The following DCDC2 variants were observed in gnomAD, a reference collection of about 807,000 sequenced individuals.
DCDC2 encodes the protein doublecortin domain-containing protein 2.
Under a neutral mutation model 50.2 loss-of-function variants are expected in DCDC2, and 40 were observed. The observed-to-expected ratio is 0.80, with a 90% CI of 0.62 to 1.04. DCDC2 has a LOEUF of 1.04. Among genes scored for constraint, DCDC2 ranks in the 50% least tolerant of loss-of-function variants. DCDC2 has a pLI of 0.00. For synonymous variants in DCDC2, 234 were observed against 210.6 expected (o/e 1.11, Z -0.96); for missense variants, 570 against 581.9 (o/e 0.98, Z 0.21).
intron 7 of DCDC2, among the ~76,000 whole-genome samples, chr6:24,271,491 C>T (rs569361670): frequency 8.4e-4 from 128 of 152,196 alleles, no homozygotes; most frequent in Non-Finnish European, 1.4e-3. Context: ...GAAGAACCTC[C>T]GCCCACACCT....
chr6:24,305,757 T>G (rs1463842859), intron 2 of DCDC2, among the ~76,000 whole-genome samples: 2 of 151,944 alleles, frequency 1.3e-5, no homozygotes, highest in African/African-American at 4.9e-5. Flanking sequence ...CCAGGTGCAG[T>G]GGCTTACACC....
intron 7 of DCDC2, among the ~76,000 whole-genome samples, chr6:24,230,855 TC>T (rs1198106521): frequency 2.0e-5 from 3 of 152,202 alleles, no homozygotes. Context: ...TAGCTCCTTA[TC>T]CTTTTAAAAA....
intron 8 of DCDC2, among the ~76,000 whole-genome samples, chr6:24,201,935 A>G (rs2113759167): frequency 6.6e-6 from 1 of 152,256 alleles, no homozygotes; most frequent in South Asian, 2.1e-4. Flanking sequence ...CCAAGACTAA[A>G]CCAGGAAGCC....
chr6:24,239,797 A>T (rs960425674), intron 7 of DCDC2, among the ~76,000 whole-genome samples: 22 of 152,178 alleles, frequency 1.4e-4, no homozygotes, highest in Non-Finnish European at 1.9e-4. Context: ...ATGCAAAAAG[A>T]ATTTTGTGGG....
rs541702528 is a variant in DCDC2 at position 24,307,848 on chromosome 6, A to G, written c.349-5804T>C. Among the ~76,000 whole-genome samples the G allele has an allele frequency of 7.2e-5, 11 of 152,056 alleles. No individual in the cohort carries two copies. The South Asian group carries it at 2.3e-3, about 32-fold the overall frequency. ...AGATCTACTAGACTGAACGGGCCCT[A>G]TTTTTGAGGGGATGTGCCATAACTG... On this transcript the variant is annotated intron_variant, in intron 2 of 9. Coordinates refer to ENST00000378454, the MANE Select transcript of DCDC2 (RefSeq NM_016356.5).
chr6:24,357,584 T>A lies in DCDC2; in HGVS notation c.167A>T (p.Gln56Leu). ...VFLKEVTGGVQAPFGAVRNIY... is the reference protein window; with the variant it reads ...VFLKEVTGGVLAPFGAVRNIY... ...GTTCCTGACGGCCCCAAAGGGTGCC[T>A]GAACGCCGCCGGTCACCTCCTTCAG... Residue 56 changes from glutamine (Q) to leucine (L), a missense_variant, in exon 1 of 10, where the codon CAG (glutamine) becomes CTG (leucine). By Grantham distance (113) the Gln-to-Leu change is moderately radical. Transcript: ENST00000378454. The A allele has an allele frequency of 6.2e-7, 1 of 1,613,342 alleles. No homozygotes were observed. Among genetic ancestry groups the A allele is most frequent in the African/African-American group, 1.3e-5 (1 of 74,980 alleles).
intron 8 of DCDC2, among the ~76,000 whole-genome samples, chr6:24,186,078 T>C (rs1341807887): frequency 6.6e-6 from 1 of 152,222 alleles, no homozygotes; most frequent in East Asian, 1.9e-4. Flanking sequence ...ACATTTACCA[T>C]CCAATAGCTT....
intron 7 of DCDC2, among the ~76,000 whole-genome samples, chr6:24,229,068 G>A (rs1210596838): frequency 6.6e-6 from 1 of 152,226 alleles, no homozygotes; most frequent in African/African-American, 2.4e-5. Context: ...TGCTCTTTCT[G>A]TATTGGTTTC....
intron 4 of DCDC2, among the ~76,000 whole-genome samples, chr6:24,295,896 C>G (rs1759223361): frequency 6.6e-6 from 1 of 152,150 alleles, no homozygotes; most frequent in Non-Finnish European, 1.5e-5. Flanking sequence ...TGGCCATATA[C>G]TGCCCAAAGC....
chr6:24,351,354 G>A (rs1760369187), intron 2 of DCDC2, among the ~76,000 whole-genome samples: 1 of 152,178 alleles, frequency 6.6e-6, no homozygotes, highest in Non-Finnish European at 1.5e-5. Flanking sequence ...AGGACAGGAG[G>A]GCAGAGTGGG....
intron 2 of DCDC2, among the ~76,000 whole-genome samples, chr6:24,332,840 T>C (rs1235596598): frequency 6.6e-6 from 1 of 152,122 alleles, no homozygotes; most frequent in Non-Finnish European, 1.5e-5. Context: ...ACACTGTGTT[T>C]GATGCTGGGC....
chr6:24,177,690 T>G (rs1260589687), intron 9 of DCDC2, among the ~76,000 whole-genome samples: 1 of 152,212 alleles, frequency 6.6e-6, no homozygotes, highest in Non-Finnish European at 1.5e-5. Flanking sequence ...GGATCAGACA[T>G]AGAAGAACAG....
chr6:24,327,679 A>G (rs937173057), intron 2 of DCDC2, among the ~76,000 whole-genome samples: 6 of 151,976 alleles, frequency 3.9e-5, no homozygotes, highest in Admixed American at 2.0e-4. Flanking sequence ...TCACCATGGC[A>G]GCCAGGCTGG....
intron 2 of DCDC2, among the ~76,000 whole-genome samples, chr6:24,342,442 C>G (rs1760175597): frequency 6.6e-6 from 1 of 152,224 alleles, no homozygotes; most frequent in Non-Finnish European, 1.5e-5. Flanking sequence ...CTCCGGCAGT[C>G]TTCTTGCACC....
the DCDC2 span, among the ~76,000 whole-genome samples, chr6:24,376,617 A>G: frequency 6.6e-6 from 1 of 151,862 alleles, no homozygotes; most frequent in Non-Finnish European, 1.5e-5. Context: ...TGGGATGCAC[A>G]TGTACTTTTC....
At chr6:24,363,288 G>A in the DCDC2 span, among the ~76,000 whole-genome samples, 1 of 152,140 alleles carries the variant, frequency 6.6e-6, no homozygotes, top group East Asian at 1.9e-4. Context: ...GAGCCCAGCA[G>A]TTTGAGACCA....
At chr6:24,363,574 G>A in the DCDC2 span, among the ~76,000 whole-genome samples, 1 of 152,166 alleles carries the variant, frequency 6.6e-6, no homozygotes, top group Non-Finnish European at 1.5e-5. Context: ...TCTCTGAAAT[G>A]CTTTCAATTA....
intron 4 of DCDC2, among the ~76,000 whole-genome samples, chr6:24,295,237 A>G (rs1431587917): frequency 1.3e-5 from 2 of 152,218 alleles, no homozygotes; most frequent in Admixed American, 1.3e-4. Flanking sequence ...GATTATCTCA[A>G]TAGATGCAGA....
chr6:24,275,579 G>A (rs188791086), intron 7 of DCDC2, among the ~76,000 whole-genome samples: 4 of 152,126 alleles, frequency 2.6e-5, no homozygotes, highest in Admixed American at 2.0e-4. Flanking sequence ...TCCTTTAAAA[G>A]ACACCAGCAG....
Sources: allele counts gnomAD v4.1 joint callset (sites outside exome capture counted in the v4.1 genomes callset), GRCh38; gene constraint gnomAD v4.1.1; transcripts MANE v1.5; gene names NCBI Gene and HGNC (gene_info 2026-07-23, HGNC 2026-07-21).